Variants in ARHGAP32 observed in about 807,000 individuals in gnomAD.
ARHGAP32 encodes Rho GTPase activating protein 32.
ARHGAP32 carries 51 observed loss-of-function variants against 186.5 expected under a neutral mutation model. That is an observed-to-expected ratio of 0.27 (90% confidence interval 0.22 to 0.35). The LOEUF is 0.35. Among genes scored for constraint, ARHGAP32 ranks in the 10% least tolerant of loss-of-function variants. The probability of loss-of-function intolerance (pLI) is 1.00; values close to 1 mark genes in which losing one functional copy is unlikely to be tolerated. For missense variants in ARHGAP32, 2,186 were observed against 2,623.5 expected, an observed-to-expected ratio of 0.83 and a Z score of 3.64; for synonymous variants, 950 against 964.3, an observed-to-expected ratio of 0.99 and a Z score of 0.27.
intron 1 of ARHGAP32, among the ~76,000 whole-genome samples, chr11:129,223,276 G>A (rs1944736229): frequency 6.6e-6 from 1 of 152,150 alleles, no homozygotes. Context: ...TAGCTACTCT[G>A]TACCTCTAGC....
intron 2 of ARHGAP32, among the ~76,000 whole-genome samples, chr11:129,135,313 C>G (rs557054849): frequency 6.6e-6 from 1 of 152,174 alleles, no homozygotes; most frequent in Non-Finnish European, 1.5e-5. Context: ...GGTATCTGGT[C>G]TAAGTCTAGA....
chr11:129,058,693 G>C (rs1487836942), intron 10 of ARHGAP32, among the ~76,000 whole-genome samples: 4 of 152,168 alleles, frequency 2.6e-5, no homozygotes, highest in African/African-American at 9.7e-5. Context: ...ACTTTTTCTT[G>C]CACTGAGGTT....
intron 11 of ARHGAP32, among the ~76,000 whole-genome samples, chr11:129,025,465 T>A (rs1938794583): frequency 6.6e-6 from 1 of 152,198 alleles, no homozygotes. Flanking sequence ...TTTTGATCTT[T>A]ACCAATGGGA....
chr11:129,197,658 CT>C (rs1387086838), intron 1 of ARHGAP32, among the ~76,000 whole-genome samples: 5 of 152,048 alleles, frequency 3.3e-5, no homozygotes, highest in African/African-American at 1.2e-4. Flanking sequence ...AGCAAGAATC[CT>C]TCTAAAATAT....
chr11:129,027,561 C>T (rs1376717205), intron 11 of ARHGAP32, among the ~76,000 whole-genome samples: 1 of 152,192 alleles, frequency 6.6e-6, no homozygotes, highest in Non-Finnish European at 1.5e-5. Flanking sequence ...TATCATTACA[C>T]CTGCTGTTCC....
chr11:129,060,378 T>TAGATAGATA (rs1555082398), intron 10 of ARHGAP32, among the ~76,000 whole-genome samples: 1 of 145,118 alleles, frequency 6.9e-6, no homozygotes, highest in Non-Finnish European at 1.5e-5. Context: ...GATAGATAGA[T>TAGATAGATA]AGATAAGATA....
chr11:128,974,522 G>C lies in ARHGAP32; in HGVS notation c.2675C>G (p.Ser892Cys), dbSNP rs1945488419. Residue 892 changes from serine (S) to cysteine (C), a missense_variant, in exon 21 of 23, where the codon TCT becomes TGT. Transcript: ENST00000682385. ...CTTTTCAGTAAAGGAGGATGGCTTA[G>C]ATGATTTATCTTCAGTTGGGCTCAA... Reference protein sequence around the residue: ...LDLSPTEDKSSKPSSFTEKVV... With the variant: ...LDLSPTEDKSCKPSSFTEKVV... 5.0e-6 allele frequency: 8 copies of C among 1,614,210 alleles called. No homozygotes were observed. The highest frequency in any genetic ancestry group is 5.1e-6 in the Non-Finnish European group (6 of 1,180,032).
intron 1 of ARHGAP32, among the ~76,000 whole-genome samples, chr11:129,188,447 G>A (rs551294487): frequency 1.2e-3 from 181 of 152,182 alleles, no homozygotes; most frequent in African/African-American, 3.5e-3. Context: ...TGATCTGATC[G>A]CCTGGGCCTG....
intron 1 of ARHGAP32, among the ~76,000 whole-genome samples, chr11:129,217,518 T>A (rs1483872591): frequency 2.0e-5 from 3 of 152,216 alleles, no homozygotes; most frequent in Non-Finnish European, 4.4e-5. Flanking sequence ...AAGATATCTC[T>A]CTTCTATGAG....
intron 6 of ARHGAP32, among the ~76,000 whole-genome samples, chr11:129,073,294 A>C (rs1940929393): frequency 6.6e-6 from 1 of 152,240 alleles, no homozygotes; most frequent in African/African-American, 2.4e-5. Flanking sequence ...GGAATGTTGG[A>C]ATTATCAGAC....
At chr11:129,261,554 A>C (rs909682157) in intron 1 of ARHGAP32, among the ~76,000 whole-genome samples, 2 of 152,336 alleles carry the variant, frequency 1.3e-5, no homozygotes, top group Non-Finnish European at 1.5e-5. Flanking sequence ...TATGTGTGCA[A>C]GCCTGGCCCC....
chr11:129,149,986 C>T (rs1943252706), intron 2 of ARHGAP32, among the ~76,000 whole-genome samples: 1 of 151,184 alleles, frequency 6.6e-6, no homozygotes, highest in South Asian at 2.1e-4. Context: ...GACACACTTA[C>T]AGAAATACAA....
At chr11:128,993,511 T>C (rs1292735380) in intron 12 of ARHGAP32, among the ~76,000 whole-genome samples, 1 of 151,736 alleles carries the variant, frequency 6.6e-6, no homozygotes, top group Admixed American at 6.6e-5. Context: ...CTCACAATTA[T>C]GTATATAATA....
At chr11:129,115,247 G>A (rs1942333583) in intron 5 of ARHGAP32, among the ~76,000 whole-genome samples, 1 of 152,014 alleles carries the variant, frequency 6.6e-6, no homozygotes, top group African/African-American at 2.4e-5. Flanking sequence ...AAACTACTGA[G>A]TTCAGGACGC....
At chr11:129,158,492 T>C (rs1009417764) in intron 2 of ARHGAP32, among the ~76,000 whole-genome samples, 3 of 149,394 alleles carry the variant, frequency 2.0e-5, no homozygotes, top group African/African-American at 7.4e-5. Context: ...AAGGGATCAA[T>C]GTAACAAGAA....
rs755700333 is a variant in ARHGAP32, at chr11:129,242,934, C to T, written c.-5+36212G>A. Among the ~76,000 whole-genome samples the T allele has an allele frequency of 2.0e-5, 3 of 152,062 alleles. No homozygotes were observed. The East Asian group carries it at 5.8e-4, about 29-fold the overall frequency. On this transcript the variant is annotated intron_variant, in intron 1 of 6. Coordinates refer to the ARHGAP32 transcript ENST00000525234. ...TCTACTAACTGCACACACACACCTACCTGCACATTTTCCCATGACAACTTC... is the reference window on the plus strand; with the variant it reads ...TCTACTAACTGCACACACACACCTATCTGCACATTTTCCCATGACAACTTC...
chr11:129,063,328 C>T (rs1170131450), intron 9 of ARHGAP32, among the ~76,000 whole-genome samples: 12 of 152,052 alleles, frequency 7.9e-5, no homozygotes, highest in Non-Finnish European at 1.5e-5. Context: ...TAACTGTCAG[C>T]ATTTTTTTTC....
At chr11:129,023,791 A>T (rs1938705018) in intron 11 of ARHGAP32, 1 of 642,002 alleles carries the variant, frequency 1.6e-6, no homozygotes, top group Non-Finnish European at 1.9e-6. Context: ...ATCTAAACAT[A>T]GTTTCAGTGA....
chr11:129,154,529 A>C (rs1327389707), intron 2 of ARHGAP32, among the ~76,000 whole-genome samples: 1 of 152,224 alleles, frequency 6.6e-6, no homozygotes, highest in South Asian at 2.1e-4. Context: ...GTATATATAC[A>C]CTACAGAATA....
Sources: gnomAD v4.1 joint callset for allele counts (sites outside exome capture counted in the v4.1 genomes callset) on GRCh38, gnomAD v4.1.1 for gene constraint, MANE v1.5 for transcripts, NCBI Gene and HGNC (gene_info 2026-07-23, HGNC 2026-07-21) for gene names.